TRIM44: variants seen among roughly 807,000 people sequenced by gnomAD.
TRIM44 encodes tripartite motif containing 44.
In TRIM44, 13 loss-of-function variants were observed where a neutral mutation model predicts 37.4. That is an observed-to-expected ratio of 0.35 (90% CI 0.23 to 0.55). TRIM44 has a LOEUF of 0.55. TRIM44 is among the 20% of genes least tolerant of loss of function. The probability of loss-of-function intolerance (pLI) is 0.89; values close to 1 mark genes in which losing one functional copy is unlikely to be tolerated. For synonymous variants in TRIM44, 175 were observed against 157.2 expected (o/e 1.11, Z -0.85); for missense variants, 426 against 437.2 (o/e 0.97, Z 0.23).
At chr11:35,741,625 T>C (rs1481399401) in intron 4 of TRIM44, among the ~76,000 whole-genome samples, 2 of 152,220 alleles carry the variant, frequency 1.3e-5, no homozygotes, top group African/African-American at 4.8e-5. Flanking sequence ...ATGGTTTAAC[T>C]CTAATCAATT....
At chr11:35,690,875 C>T (rs112418081) in intron 2 of TRIM44, among the ~76,000 whole-genome samples, 127 of 152,266 alleles carry the variant, frequency 8.3e-4, no homozygotes, top group African/African-American at 2.9e-3. Flanking sequence ...GTGGTGGGAC[C>T]AGGGCTTAAC....
chr11:35,704,412 G>C (rs189317469), intron 2 of TRIM44, among the ~76,000 whole-genome samples: 2 of 152,022 alleles, frequency 1.3e-5, no homozygotes, highest in East Asian at 3.9e-4. Context: ...TACAGGGAAC[G>C]CCACAAAGAT....
chr11:35,741,497 C>A (rs1174865288), intron 4 of TRIM44, among the ~76,000 whole-genome samples: 1 of 152,146 alleles, frequency 6.6e-6, no homozygotes, highest in African/African-American at 2.4e-5. Flanking sequence ...ATTGCATCTG[C>A]CTCCACCTGG....
intron 2 of TRIM44, among the ~76,000 whole-genome samples, chr11:35,705,884 C>T (rs1851872251): frequency 6.7e-6 from 1 of 148,552 alleles, no homozygotes; most frequent in Admixed American, 6.8e-5. Context: ...CATTCAAAAG[C>T]TAGCAGAGGC....
chr11:35,781,571 A>G (rs923024144), intron 4 of TRIM44, among the ~76,000 whole-genome samples: 5 of 152,228 alleles, frequency 3.3e-5, no homozygotes, highest in Admixed American at 6.5e-5. Flanking sequence ...TCACACAGAT[A>G]GAACTTAGGC....
intron 1 of TRIM44, among the ~76,000 whole-genome samples, chr11:35,683,542 G>A (rs1284828893): frequency 6.6e-6 from 1 of 152,032 alleles, no homozygotes; most frequent in Non-Finnish European, 1.5e-5. Context: ...CAGATCCAGA[G>A]GCCAATTTTG....
At chr11:35,756,166 C>G (rs1051511966) in intron 4 of TRIM44, among the ~76,000 whole-genome samples, 5 of 152,220 alleles carry the variant, frequency 3.3e-5, no homozygotes, top group African/African-American at 1.2e-4. Flanking sequence ...TTGTTTGTAT[C>G]CTCTTTTATT....
intron 4 of TRIM44, among the ~76,000 whole-genome samples, chr11:35,758,284 G>A (rs1852674799): frequency 1.3e-5 from 2 of 152,202 alleles, no homozygotes; most frequent in Middle Eastern, 3.4e-3. Flanking sequence ...GATCTTTGTT[G>A]GTTTAAAGTT....
intron 2 of TRIM44, among the ~76,000 whole-genome samples, chr11:35,717,810 C>A (rs2135511559): frequency 6.6e-6 from 1 of 152,056 alleles, no homozygotes; most frequent in East Asian, 1.9e-4. Context: ...GGGCAAGTAG[C>A]TGAATTTCTC....
chr11:35,761,159 GTATA>G (rs987383315), intron 4 of TRIM44, among the ~76,000 whole-genome samples: 3 of 152,048 alleles, frequency 2.0e-5, no homozygotes, highest in Admixed American at 1.3e-4. Flanking sequence ...ATTCCATTGT[GTATA>G]TATACTACAT....
chr11:35,811,260 G>A lies in TRIM44; in HGVS notation c.*4875G>A, dbSNP rs1384075457. ...AGACTTAAGATCATTATTATTTAGT[G>A]ATAAGTTTTCTCCTCAAAGTAAAAT... is the stretch of plus-strand genomic sequence containing the variant. On this transcript the variant is annotated 3_prime_UTR_variant, in exon 5 of 5. Transcript: ENST00000299413. 1.3e-5 allele frequency: 2 copies of A among 152,084 alleles called. No homozygotes were observed. The highest frequency in any genetic ancestry group is 2.9e-5 in the Non-Finnish European group (2 of 68,018). 9.4% of individuals were successfully genotyped at this position (152,084 alleles called of 1,614,324 possible).
intron 2 of TRIM44, among the ~76,000 whole-genome samples, chr11:35,710,413 G>A (rs2135507540): frequency 6.6e-6 from 1 of 152,268 alleles, no homozygotes. Flanking sequence ...TCTTAGTTGA[G>A]ACAAACCCTT....
In TRIM44 at chr11:35,792,111, A is replaced by ACACACACACACACACACACACACTCT. The variant is rs796092540; in HGVS notation, c.1008-14246_1008-14245insACACACACACACACACACACACTCTC. ...CACACACACACACACACACACACACACTCTCTCTCATCATTCTCTATTCCA... is the reference window on the plus strand; with the variant it reads ...CACACACACACACACACACACACACACACACACACACACACACACACACTCTCTCTCTCTCATCATTCTCTATTCCA... On this transcript the variant is annotated intron_variant, in intron 4 of 4. Transcript: ENST00000299413. 5.4e-3 allele frequency among the ~76,000 whole-genome samples: 613 copies of ACACACACACACACACACACACACTCT among 114,150 alleles called. 7 individuals are homozygous for ACACACACACACACACACACACACTCT. Among genetic ancestry groups the ACACACACACACACACACACACACTCT allele is most frequent in the Admixed American group, 0.017 (199 of 11,922 alleles). 74.9% of individuals were successfully genotyped at this position (114,150 alleles called of 152,430 possible). A position where few individuals can be genotyped will look rare whatever the true frequency, so the allele number is the denominator to read the frequency against.
intron 4 of TRIM44, among the ~76,000 whole-genome samples, chr11:35,775,005 A>G (rs1281342839): frequency 6.6e-6 from 1 of 152,218 alleles, no homozygotes; most frequent in Non-Finnish European, 1.5e-5. Context: ...TTCTGTGAAG[A>G]AAGTCATTGG....
At chr11:35,685,565 G>A (rs1453703298) in intron 2 of TRIM44, among the ~76,000 whole-genome samples, 1 of 152,186 alleles carries the variant, frequency 6.6e-6, no homozygotes, top group African/African-American at 2.4e-5. Context: ...TCCCTGAACT[G>A]CAGACAGGTG....
chr11:35,723,242 T>G (rs746470661), intron 2 of TRIM44, among the ~76,000 whole-genome samples: 1 of 152,170 alleles, frequency 6.6e-6, no homozygotes, highest in Non-Finnish European at 1.5e-5. Flanking sequence ...TCTCTGTGAC[T>G]TTTTTTCCCC....
At chr11:35,794,963 G>A (rs1336988008) in intron 4 of TRIM44, among the ~76,000 whole-genome samples, 1 of 152,232 alleles carries the variant, frequency 6.6e-6, no homozygotes, top group Non-Finnish European at 1.5e-5. Context: ...ATAGTACAGG[G>A]ATGGGGTGGC....
intron 1 of TRIM44, among the ~76,000 whole-genome samples, chr11:35,667,182 G>C (rs1456036400): frequency 6.6e-6 from 1 of 152,052 alleles, no homozygotes; most frequent in Admixed American, 6.6e-5. Flanking sequence ...AATTTTGATT[G>C]GTTATTTAAT....
chr11:35,760,542 G>A (rs1462569513), intron 4 of TRIM44, among the ~76,000 whole-genome samples: 2 of 152,186 alleles, frequency 1.3e-5, no homozygotes. Context: ...GATGAACCCG[G>A]TACCTCAGTT....
Sources: gnomAD v4.1 joint callset for allele counts (sites outside exome capture counted in the v4.1 genomes callset) on GRCh38, gnomAD v4.1.1 for gene constraint, MANE v1.5 for transcripts, NCBI Gene and HGNC (gene_info 2026-07-23, HGNC 2026-07-21) for gene names.